OPHN1: variants seen among roughly 807,000 people sequenced by gnomAD.
OPHN1 encodes the protein oligophrenin-1.
A neutral mutation model predicts 60.7 loss-of-function variants in OPHN1; 11 were observed. The ratio of observed to expected loss-of-function variants is 0.18; its 90% CI spans 0.11 to 0.30. OPHN1 has a LOEUF of 0.30. OPHN1 is among the 10% of genes least tolerant of loss of function. The pLI is 1.00. For missense variants in OPHN1, 449 were observed against 611.0 expected (o/e 0.73, Z 2.80); for synonymous variants, 226 against 222.6 (o/e 1.02, Z -0.14).
intron 15 of OPHN1, among the ~76,000 whole-genome samples, chrX:68,160,277 A>G (rs2077328716): frequency 9.0e-6 from 1 of 111,289 alleles, no homozygotes; most frequent in Non-Finnish European, 1.9e-5. Flanking sequence ...ACCAAAGTAC[A>G]TTAAAGCAAA....
intron 15 of OPHN1, among the ~76,000 whole-genome samples, chrX:68,172,152 A>T (rs1387340686): frequency 8.9e-6 from 1 of 112,423 alleles, no homozygotes; most frequent in African/African-American, 3.2e-5. Flanking sequence ...ATATGTTCAT[A>T]CAAAGACTTG....
chrX:68,121,391 G>C (rs2077149870), intron 15 of OPHN1, among the ~76,000 whole-genome samples: 1 of 111,946 alleles, frequency 8.9e-6, no homozygotes, highest in Non-Finnish European at 1.9e-5. Flanking sequence ...TTCAGAAAGA[G>C]AGAGTGCAGC....
At chrX:68,220,995 C>G (rs1345259405) in intron 6 of OPHN1, among the ~76,000 whole-genome samples, 4 of 102,318 alleles carry the variant, frequency 3.9e-5, no homozygotes, top group African/African-American at 1.4e-4. Context: ...TTAAATTGTC[C>G]CTGTTTGCAG....
chrX:68,053,871 G>A, intron 21 of OPHN1, 61 bp from the exon 22 acceptor site: 1 of 1,143,990 alleles, frequency 8.7e-7, no homozygotes, highest in Admixed American at 2.4e-5. Flanking sequence ...CTACTCATGA[G>A]CAGGCACCCA....
chrX:68,168,370 C>A (rs772498229), intron 15 of OPHN1, among the ~76,000 whole-genome samples: 2 of 95,640 alleles, frequency 2.1e-5, no homozygotes, highest in African/African-American at 7.2e-5. Flanking sequence ...CACTCAACTA[C>A]GTGGAAACTG....
At chrX:68,316,936 C>T (rs1434162416) in intron 2 of OPHN1, among the ~76,000 whole-genome samples, 1 of 111,291 alleles carries the variant, frequency 9.0e-6, no homozygotes, top group Non-Finnish European at 1.9e-5. Context: ...ATAAAACCAA[C>T]CTCAAAAAAA....
At chrX:68,297,245 C>G (rs941579593) in intron 3 of OPHN1, among the ~76,000 whole-genome samples, 1 of 111,693 alleles carries the variant, frequency 9.0e-6, no homozygotes, top group African/African-American at 3.3e-5. Flanking sequence ...CATTTAGACA[C>G]TATGCACACT....
At chrX:68,271,333 C>T (rs2077967646) in intron 5 of OPHN1, among the ~76,000 whole-genome samples, 1 of 106,341 alleles carries the variant, frequency 9.4e-6, no homozygotes, top group Middle Eastern at 4.4e-3. Context: ...CGAGACCAGT[C>T]TGGGCAACAT....
At chrX:68,217,505 A>G (rs1292985895) in intron 6 of OPHN1, among the ~76,000 whole-genome samples, 1 of 110,916 alleles carries the variant, frequency 9.0e-6, no homozygotes, top group African/African-American at 3.3e-5. Flanking sequence ...GACAGCAGTA[A>G]CCTCTGCAGA....
rs1466996213 is a variant in OPHN1, at chrX:68,194,038, T to C, written c.1139-86A>G. The C allele has an allele frequency of 7.5e-6, 6 of 798,824 alleles. No homozygotes were observed. In the African/African-American group the frequency reaches 1.0e-4, roughly 13 times the overall value. 65.8% of individuals were successfully genotyped at this position (798,824 alleles called of 1,213,427 possible). On this transcript the variant is annotated intron_variant, in intron 13 of 24. Transcript: ENST00000355520. ...TTAATGACCATGCAAAGGGACTGCA[T>C]TGAGAGAGCTAAGGGTTTTTAGTTG... is the stretch of plus-strand genomic sequence containing the variant.
intron 2 of OPHN1, among the ~76,000 whole-genome samples, chrX:68,314,260 G>A (rs1206765432): frequency 8.9e-6 from 1 of 111,921 alleles, no homozygotes; most frequent in African/African-American, 3.2e-5. Flanking sequence ...AGTGGCTCAT[G>A]CCTGCAATCC....
chrX:68,082,652 G>T (rs1464746155), intron 19 of OPHN1, among the ~76,000 whole-genome samples: 1 of 112,346 alleles, frequency 8.9e-6, no homozygotes, highest in Non-Finnish European at 1.9e-5. Flanking sequence ...CAGATGTGTT[G>T]TCACTTAGGC....
rs1041699581 is a variant in OPHN1 at position 68,070,702 on chromosome X, C to A, written c.1834+2450G>T. ...CCCCTAGAAGTGGCTTTCACCACCT[C>A]ATCCATGAGGGCTTTGGTTCCCTGG... On this transcript the variant is annotated intron_variant, in intron 20 of 24. Coordinates refer to ENST00000355520, the MANE Select transcript of OPHN1 (RefSeq NM_002547.3). 2.2e-5 allele frequency: 23 copies of A among 1,068,822 alleles called. No individual in the cohort carries two copies. In the African/African-American group the frequency reaches 4.3e-4, roughly 20 times the overall value. The allele number at this position is 1,068,822 out of a possible 1,213,427, so 88.1% of individuals were successfully genotyped here. A position where few individuals can be genotyped will look rare whatever the true frequency, so the allele number is the denominator to read the frequency against.
intron 2 of OPHN1, among the ~76,000 whole-genome samples, chrX:68,354,543 C>T (rs1399838350): frequency 3.3e-5 from 3 of 92,142 alleles, no homozygotes; most frequent in Non-Finnish European, 4.3e-5. Context: ...AGATCACCTG[C>T]GGTCAGGAGT....
intron 17 of OPHN1, 104 bp from the exon 18 acceptor site, chrX:68,112,063 A>G (rs1439134127): frequency 1.6e-5 from 4 of 244,087 alleles, no homozygotes; most frequent in African/African-American, 1.2e-4. Context: ...GCACACATGC[A>G]CACACACACA....
At chrX:68,154,735 T>C (rs2077300491) in intron 15 of OPHN1, among the ~76,000 whole-genome samples, 2 of 111,445 alleles carry the variant, frequency 1.8e-5, no homozygotes, top group South Asian at 7.5e-4. Context: ...TCTATGTATT[T>C]CATATTTTCT....
At chrX:68,266,915 T>C (rs1242931779) in intron 5 of OPHN1, among the ~76,000 whole-genome samples, 1 of 110,487 alleles carries the variant, frequency 9.1e-6, no homozygotes, top group Non-Finnish European at 1.9e-5. Context: ...CCAACAAAGA[T>C]CAAAAGAGAC....
At chrX:68,079,068 A>T (rs1188558317) in intron 19 of OPHN1, among the ~76,000 whole-genome samples, 1 of 111,114 alleles carries the variant, frequency 9.0e-6, no homozygotes, top group Non-Finnish European at 1.9e-5. Context: ...TGACAAACTC[A>T]TTGACATCCA....
At chrX:68,196,903 G>A (rs891797758) in intron 12 of OPHN1, among the ~76,000 whole-genome samples, 4 of 111,592 alleles carry the variant, frequency 3.6e-5, no homozygotes, top group Non-Finnish European at 7.5e-5. Flanking sequence ...AAAGCTCATG[G>A]GCATAGCTAC....
Sources: allele counts gnomAD v4.1 joint callset (sites outside exome capture counted in the v4.1 genomes callset), GRCh38; gene constraint gnomAD v4.1.1; transcripts MANE v1.5; gene names NCBI Gene and HGNC (gene_info 2026-07-23, HGNC 2026-07-21).